HDAC9: variants seen among roughly 807,000 people sequenced by gnomAD.
HDAC9 encodes the protein histone deacetylase 9, also known as MEF-2 interacting transcription repressor (MITR) protein.
HDAC9 carries 41 observed loss-of-function variants against 139.4 expected under a neutral mutation model. The observed-to-expected ratio is 0.29, with a 90% CI of 0.23 to 0.38. The LOEUF is 0.38. Among genes scored for constraint, HDAC9 ranks in the 10% least tolerant of loss-of-function variants. HDAC9 has a pLI of 1.00. For synonymous variants in HDAC9, 517 were observed against 476.2 expected, an observed-to-expected ratio of 1.09 and a Z score of -1.12; for missense variants, 1,147 against 1,297.0, an observed-to-expected ratio of 0.88 and a Z score of 1.78.
At chr7:18,508,499 G>A (rs1586470436) in intron 2 of HDAC9, among the ~76,000 whole-genome samples, 2 of 152,236 alleles carry the variant, frequency 1.3e-5, no homozygotes, top group South Asian at 2.1e-4. Context: ...CATAGAGATC[G>A]TGAACCAAGT....
intron 1 of HDAC9, among the ~76,000 whole-genome samples, chr7:18,412,329 CACTGA>C (rs1788644250): frequency 6.6e-6 from 1 of 151,966 alleles, no homozygotes; most frequent in East Asian, 1.9e-4. Context: ...ATATATAGCT[CACTGA>C]AAAAACTATA....
At chr7:18,182,186 T>C (rs1027986586) in intron 2 of HDAC9, among the ~76,000 whole-genome samples, 4 of 152,204 alleles carry the variant, frequency 2.6e-5, no homozygotes, top group African/African-American at 9.7e-5. Flanking sequence ...ATTCTAAATT[T>C]AAATCTGGTC....
chr7:18,691,867 C>A (rs1372284477), intron 12 of HDAC9, among the ~76,000 whole-genome samples: 3 of 151,908 alleles, frequency 2.0e-5, no homozygotes, highest in Non-Finnish European at 1.5e-5. Flanking sequence ...GGTCATATGA[C>A]CTTGGCATAC....
At chr7:18,496,503 A>G (rs2128140646) in intron 2 of HDAC9, 179 bp downstream of exon 2, 1 of 600,400 alleles carries the variant, frequency 1.7e-6, no homozygotes, top group African/African-American at 1.9e-5. Flanking sequence ...TTCTGTGCAT[A>G]TTCAGTCTGC....
chr7:18,473,559 A>G (rs1046205925), intron 1 of HDAC9, among the ~76,000 whole-genome samples: 2 of 152,260 alleles, frequency 1.3e-5, no homozygotes, highest in Admixed American at 6.5e-5. Flanking sequence ...GCCATAGCAT[A>G]ACTCATTAAG....
chr7:18,979,787 C>T (rs1784779778), intron 25 of HDAC9, among the ~76,000 whole-genome samples: 1 of 151,980 alleles, frequency 6.6e-6, no homozygotes, highest in Non-Finnish European at 1.5e-5. Context: ...GAAGGTGCCA[C>T]ACACTTTTAA....
chr7:18,383,613 G>T (rs1287354164), intron 1 of HDAC9, among the ~76,000 whole-genome samples: 1 of 151,840 alleles, frequency 6.6e-6, no homozygotes, highest in Admixed American at 6.6e-5. Context: ...GCAGGAAAAA[G>T]CTTGAAGATA....
intron 2 of HDAC9, among the ~76,000 whole-genome samples, chr7:18,533,531 C>G (rs939025446): frequency 6.6e-6 from 1 of 152,048 alleles, no homozygotes; most frequent in Non-Finnish European, 1.5e-5. Context: ...ATTGTGAGTT[C>G]TAGTCCCAAT....
At chr7:18,578,182 C>T (rs1270192009) in intron 2 of HDAC9, 1 of 518,866 alleles carries the variant, frequency 1.9e-6, no homozygotes, top group Non-Finnish European at 3.8e-6. Context: ...GTGACCTCCA[C>T]AAACTGAGGG....
intron 2 of HDAC9, among the ~76,000 whole-genome samples, chr7:18,525,481 C>G (rs1271297928): frequency 1.3e-5 from 2 of 151,994 alleles, no homozygotes; most frequent in Admixed American, 1.3e-4. Context: ...TTAAACTATA[C>G]TTCTCTAAAT....
intron 1 of HDAC9, among the ~76,000 whole-genome samples, chr7:18,344,146 G>A (rs931214289): frequency 6.6e-6 from 1 of 151,702 alleles, no homozygotes; most frequent in Admixed American, 6.6e-5. Flanking sequence ...AAAAATTAGG[G>A]TATTTCAGAT....
intron 2 of HDAC9, among the ~76,000 whole-genome samples, chr7:18,229,056 A>C (rs146141351): frequency 6.6e-6 from 1 of 152,268 alleles, no homozygotes; most frequent in East Asian, 1.9e-4. Context: ...AAAATTAGTG[A>C]AAAGATCTCG....
At chr7:18,408,261 TA>T (rs1788204156) in intron 1 of HDAC9, among the ~76,000 whole-genome samples, 1 of 152,174 alleles carries the variant, frequency 6.6e-6, no homozygotes, top group Non-Finnish European at 1.5e-5. Flanking sequence ...TGTTGTCTTT[TA>T]AAAAATTATT....
chr7:18,761,157 A>G (rs1789350374), intron 14 of HDAC9, among the ~76,000 whole-genome samples: 1 of 152,220 alleles, frequency 6.6e-6, no homozygotes, highest in East Asian at 1.9e-4. Flanking sequence ...TCCAAAAGTT[A>G]AGGCTAATTA....
intron 16 of HDAC9, among the ~76,000 whole-genome samples, chr7:18,786,621 C>T (rs1034385535): frequency 3.3e-5 from 3 of 89,802 alleles, no homozygotes; most frequent in African/African-American, 1.0e-4. Flanking sequence ...TTCCTTCCCT[C>T]CCTCCCTCCT....
At chr7:18,592,532 C>G (rs936706354) in intron 5 of HDAC9, among the ~76,000 whole-genome samples, 8 of 151,944 alleles carry the variant, frequency 5.3e-5, no homozygotes, top group African/African-American at 1.9e-4. Flanking sequence ...ATTTTTCAAT[C>G]CCTCACACCA....
rs375682706 is a variant in HDAC9 at position 18,749,078 on chromosome 7, T to C, written c.1983T>C (p.Ala661=). The change falls in exon 14 of 26, where the codon GCT becomes GCC. Residue 661 remains alanine, a synonymous_variant. Transcript: ENST00000686413. ...ATTCCACCACCCACCCTGAGCATGC[T>C]GGACGAATACAGAGTATCTGGTCAC... ...CGNSTTHPEH[A]GRIQSIWSRL... 3.7e-6 allele frequency: 6 copies of C among 1,613,440 alleles called. No individual in the cohort carries two copies. In the Admixed American group the frequency reaches 1.0e-4, roughly 27 times the overall value.
intron 2 of HDAC9, among the ~76,000 whole-genome samples, chr7:18,546,150 AATG>A (rs1814740980): frequency 6.6e-6 from 1 of 152,192 alleles, no homozygotes; most frequent in Non-Finnish European, 1.5e-5. Flanking sequence ...GCCCTAGCCT[AATG>A]ATTGCATAGA....
At chr7:18,384,194 C>T (rs775460809) in intron 1 of HDAC9, among the ~76,000 whole-genome samples, 1 of 151,754 alleles carries the variant, frequency 6.6e-6, no homozygotes, top group Non-Finnish European at 1.5e-5. Flanking sequence ...GCCTGTGGTC[C>T]CAGGTACTTG....
Sources: allele counts gnomAD v4.1 joint callset (sites outside exome capture counted in the v4.1 genomes callset), GRCh38; gene constraint gnomAD v4.1.1; transcripts MANE v1.5; gene names NCBI Gene and HGNC (gene_info 2026-07-23, HGNC 2026-07-21).